Variants in SOX5 observed in about 807,000 individuals in gnomAD.
SOX5 encodes the protein SRY-box transcription factor 5, also known as transcription factor SOX-5.
Under a neutral mutation model 92.0 loss-of-function variants are expected in SOX5, and 9 were observed. The observed-to-expected ratio is 0.10, with a 90% CI of 0.06 to 0.17. The LOEUF (loss-of-function observed/expected upper bound fraction) is 0.17, where lower values mean the gene tolerates loss of function less well. Ranked by LOEUF, SOX5 falls within the 10% of genes least tolerant of loss-of-function variation. SOX5 has a pLI of 1.00. For synonymous variants in SOX5, 344 were observed against 336.3 expected (o/e 1.02, Z -0.25); for missense variants, 642 against 944.5 (o/e 0.68, Z 4.20).
At chr12:24,465,045 T>A (rs1233725580) in intron 1 of SOX5, among the ~76,000 whole-genome samples, 1 of 152,206 alleles carries the variant, frequency 6.6e-6, no homozygotes, top group Non-Finnish European at 1.5e-5. Context: ...ATGATGACAA[T>A]GATGTTATCT....
At chr12:24,023,954 T>C (rs1954596997) in intron 4 of SOX5, among the ~76,000 whole-genome samples, 3 of 152,156 alleles carry the variant, frequency 2.0e-5, no homozygotes, top group Middle Eastern at 3.4e-3. Context: ...GTCAATTATC[T>C]TTACGTGTCC....
At chr12:24,116,988 A>AT (rs545878598) in intron 4 of SOX5, among the ~76,000 whole-genome samples, 2 of 149,792 alleles carry the variant, frequency 1.3e-5, no homozygotes, top group Admixed American at 6.7e-5. Flanking sequence ...AAAAAAAAAA[A>AT]TCTGCACAGC....
chr12:24,298,461 G>A (rs557570799), intron 2 of SOX5, among the ~76,000 whole-genome samples: 1 of 152,188 alleles, frequency 6.6e-6, no homozygotes, highest in Middle Eastern at 3.4e-3. Flanking sequence ...GTATTAAAAC[G>A]GGTATGTATT....
At chr12:24,330,242 A>G (rs576920622) in intron 2 of SOX5, among the ~76,000 whole-genome samples, 2 of 152,364 alleles carry the variant, frequency 1.3e-5, no homozygotes, top group Admixed American at 6.5e-5. Flanking sequence ...AATACATGTA[A>G]AGTTAAATTC....
At chr12:23,554,908 T>TGTAA (rs760035522) in intron 11 of SOX5, among the ~76,000 whole-genome samples, 6 of 152,214 alleles carry the variant, frequency 3.9e-5, no homozygotes, top group African/African-American at 7.2e-5. Flanking sequence ...GTGTCTTCAT[T>TGTAA]GTAAGTAAGT....
chr12:24,518,555 A>T (rs528262734), intron 1 of SOX5, among the ~76,000 whole-genome samples: 2 of 152,294 alleles, frequency 1.3e-5, no homozygotes, highest in South Asian at 2.1e-4. Context: ...GAATATTGTC[A>T]GCTCAAATTG....
chr12:24,306,922 T>G (rs775508077), intron 2 of SOX5, among the ~76,000 whole-genome samples: 1 of 152,088 alleles, frequency 6.6e-6, no homozygotes, highest in Non-Finnish European at 1.5e-5. Context: ...CTCCACCAAA[T>G]TATATAATGT....
chr12:24,232,794 TAA>T (rs1963666723), intron 3 of SOX5, among the ~76,000 whole-genome samples: 1 of 152,166 alleles, frequency 6.6e-6, no homozygotes, highest in Non-Finnish European at 1.5e-5. Context: ...TTCACATTTT[TAA>T]AAAAGTATTT....
At chr12:24,484,074 G>C (rs1222656086) in intron 1 of SOX5, among the ~76,000 whole-genome samples, 3 of 152,172 alleles carry the variant, frequency 2.0e-5, no homozygotes, top group Non-Finnish European at 4.4e-5. Context: ...CATTTTGCCT[G>C]TATGGAGAGT....
chr12:24,406,185 C>G (rs1039655017), intron 1 of SOX5, among the ~76,000 whole-genome samples: 1 of 152,068 alleles, frequency 6.6e-6, no homozygotes, highest in Non-Finnish European at 1.5e-5. Flanking sequence ...AGAGAGCCAG[C>G]CTGAAGCCCA....
At position 23,895,698 on chromosome 12, in the gene SOX5, A is replaced by T. The variant is rs2137700764; in HGVS notation, c.270+95T>A. 3 of 784,070 alleles carry T rather than the reference A, an allele frequency of 3.8e-6. No individual in the cohort carries two copies. In the East Asian group the frequency reaches 7.3e-5, roughly 19 times the overall value. 48.6% of individuals were successfully genotyped at this position (784,070 alleles called of 1,614,324 possible). On this transcript the variant is annotated intron_variant, in intron 2 of 14. Transcript: ENST00000451604. ...ATCTTGTGCATGGGTTCTTAAGTAG[A>T]TGTTAATTATAAAGCAAAGGACTGA...
chr12:24,560,439 CAGG>C (rs1302273741), intron 1 of SOX5, among the ~76,000 whole-genome samples: 1 of 152,180 alleles, frequency 6.6e-6, no homozygotes, highest in African/African-American at 2.4e-5. Flanking sequence ...GCATAATTTG[CAGG>C]AGAACTTTGC....
chr12:24,394,852 G>A lies in SOX5; in HGVS notation c.-250-26213C>T, dbSNP rs577776825. Among the ~76,000 whole-genome samples the A allele has an allele frequency of 6.6e-5, 10 of 152,282 alleles. No homozygotes were observed. The East Asian group carries it at 1.9e-3, about 29-fold the overall frequency. On this transcript the variant is annotated intron_variant, in intron 1 of 4. Transcript: ENST00000446891. ...TGTAGTTCAATTTGCTCCCAATCAT[G>A]TTGTGTTATTCTTATTGGCTTTTGG...
intron 3 of SOX5, among the ~76,000 whole-genome samples, chr12:24,239,905 A>T (rs557691682): frequency 6.6e-6 from 1 of 152,292 alleles, no homozygotes; most frequent in Admixed American, 6.5e-5. Flanking sequence ...TATATGTTTG[A>T]TGAGGGTACA....
At chr12:23,735,028 T>C (rs549267899) in intron 5 of SOX5, among the ~76,000 whole-genome samples, 1 of 152,172 alleles carries the variant, frequency 6.6e-6, no homozygotes, top group African/African-American at 2.4e-5. Flanking sequence ...TTTTCGAACA[T>C]CCCTCTTCCT....
chr12:24,005,215 TA>T (rs1952028993), intron 4 of SOX5, among the ~76,000 whole-genome samples: 1 of 151,970 alleles, frequency 6.6e-6, no homozygotes, highest in South Asian at 2.1e-4. Flanking sequence ...ATTGTATACA[TA>T]AAATTGGTGA....
At chr12:24,355,702 A>G (rs983788885) in intron 2 of SOX5, among the ~76,000 whole-genome samples, 1 of 152,230 alleles carries the variant, frequency 6.6e-6, no homozygotes, top group African/African-American at 2.4e-5. Context: ...GTTCATTATG[A>G]AAAGTATTCA....
intron 7 of SOX5, among the ~76,000 whole-genome samples, chr12:23,657,496 A>G (rs2082458334): frequency 6.6e-6 from 1 of 152,180 alleles, no homozygotes; most frequent in African/African-American, 2.4e-5. Context: ...CATACTTTCC[A>G]ATCAATCTTA....
chr12:24,277,526 GTATATAATTTATATGTATA>G (rs1166150264), intron 2 of SOX5, among the ~76,000 whole-genome samples: 21 of 58,376 alleles, frequency 3.6e-4, no homozygotes, highest in South Asian at 6.4e-4. Flanking sequence ...ATATTTATAT[GTATATAATTTATATGTATA>G]TAAATTTATA....
Sources: allele counts gnomAD v4.1 joint callset (sites outside exome capture counted in the v4.1 genomes callset), GRCh38; gene constraint gnomAD v4.1.1; transcripts MANE v1.5; gene names NCBI Gene and HGNC (gene_info 2026-07-23, HGNC 2026-07-21).